The following NME7 variants were observed in gnomAD, a reference collection of about 807,000 sequenced individuals.
The protein encoded by NME7 is NME/NM23 family member 7.
A neutral mutation model predicts 49.1 loss-of-function variants in NME7; 41 were observed. That is an observed-to-expected ratio of 0.83 (90% CI 0.65 to 1.08). The LOEUF (loss-of-function observed/expected upper bound fraction) is 1.08, where lower values mean the gene tolerates loss of function less well. Ranked by LOEUF, NME7 falls within the 50% of genes least tolerant of loss-of-function variation. The pLI, the probability that NME7 is intolerant of heterozygous loss-of-function variation, is 0.00. For missense variants in NME7, 423 were observed against 463.4 expected (o/e 0.91, Z 0.80); for synonymous variants, 139 against 150.6 (o/e 0.92, Z 0.56).
At chr1:169,235,223 C>A (rs1433349261) in intron 8 of NME7, 24 bp from the exon 9 acceptor site, 3 of 1,369,358 alleles carry the variant, frequency 2.2e-6, no homozygotes, top group Non-Finnish European at 3.0e-6. Context: ...TAAAACAAAA[C>A]AAAACCATAA....
rs57619644 is a variant in NME7 at position 169,178,820 on chromosome 1, C to CT, written c.991-9267dup. 1.6e-3 allele frequency among the ~76,000 whole-genome samples: 200 copies of CT among 124,318 alleles called. 2 individuals carry two copies. The highest frequency in any genetic ancestry group is 5.4e-3 in the South Asian group (21 of 3,922). The allele number at this position is 124,318 out of a possible 152,430, so 81.6% of individuals were successfully genotyped here. A position where few individuals can be genotyped will look rare whatever the true frequency, so the allele number is the denominator to read the frequency against. Reference sequence around the variant, plus strand: ...ATTAGACTTCTAGCTGAAACCTCTTCTTTTTTTTTTTTTTTTTTGAGACAG... The same window carrying CT: ...ATTAGACTTCTAGCTGAAACCTCTTCTTTTTTTTTTTTTTTTTTTGAGACAG... On this transcript the variant is annotated intron_variant, in intron 10 of 11. Transcript: ENST00000367811.
At chr1:169,235,051 A>T in intron 9 of NME7, 80 bp downstream of exon 9, 1 of 695,872 alleles carries the variant, frequency 1.4e-6, no homozygotes, top group Non-Finnish European at 2.3e-6. Context: ...GGGACCTAGT[A>T]CAGGAGCTTA....
chr1:169,256,964 C>G lies in NME7; in HGVS notation c.755-19277G>C, dbSNP rs1648968953. ...ATGCTGGGAGAACCACTGCTCTCTT[C>G]AAAGCTGTCAGACAGCGACATTTAA... On this transcript the variant is annotated intron_variant, in intron 7 of 11. Coordinates refer to ENST00000367811, the MANE Select transcript of NME7 (RefSeq NM_013330.5). 2.4e-5 allele frequency among the ~76,000 whole-genome samples: 3 copies of G among 126,940 alleles called. 1 individual carries two copies. The highest frequency in any genetic ancestry group is 5.5e-5 in the Non-Finnish European group (3 of 54,254). 83.3% of individuals were successfully genotyped at this position (126,940 alleles called of 152,430 possible). A position where few individuals can be genotyped will look rare whatever the true frequency, so the allele number is the denominator to read the frequency against.
intron 1 of NME7, among the ~76,000 whole-genome samples, chr1:169,342,100 T>C (rs1413820029): frequency 6.6e-6 from 1 of 152,136 alleles, no homozygotes; most frequent in Non-Finnish European, 1.5e-5. Flanking sequence ...TGGAATAATA[T>C]GGTTTGGCTC....
chr1:169,183,377 T>G (rs1243995158), intron 10 of NME7, among the ~76,000 whole-genome samples: 1 of 152,204 alleles, frequency 6.6e-6, no homozygotes, highest in Non-Finnish European at 1.5e-5. Context: ...TTTAAATATA[T>G]ACACCTCTAT....
chr1:169,256,122 T>C (rs1458484121), intron 7 of NME7, among the ~76,000 whole-genome samples: 1 of 133,478 alleles, frequency 7.5e-6, no homozygotes, highest in African/African-American at 2.5e-5. Flanking sequence ...CCTTGCTAGA[T>C]TGGGGAAGTT....
At chr1:169,234,449 T>C (rs1369574436) in intron 9 of NME7, among the ~76,000 whole-genome samples, 1 of 152,028 alleles carries the variant, frequency 6.6e-6, no homozygotes, top group Non-Finnish European at 1.5e-5. Flanking sequence ...GTGTAAATAA[T>C]CAACACGGAA....
chr1:169,255,051 G>T (rs1156731646), intron 7 of NME7, among the ~76,000 whole-genome samples: 1 of 136,084 alleles, frequency 7.3e-6, no homozygotes. Context: ...TTGATTTGGG[G>T]TGGAGAGTTC....
chr1:169,213,283 A>T (rs1660883752), intron 10 of NME7, among the ~76,000 whole-genome samples: 1 of 152,160 alleles, frequency 6.6e-6, no homozygotes, highest in African/African-American at 2.4e-5. Flanking sequence ...TCCTAGGAAC[A>T]ATAGTTCAGT....
At chr1:169,249,385 A>G (rs1382743941) in intron 7 of NME7, among the ~76,000 whole-genome samples, 1 of 151,946 alleles carries the variant, frequency 6.6e-6, no homozygotes, top group African/African-American at 2.4e-5. Flanking sequence ...CTTTTGGAGG[A>G]GTATTTAGGG....
intron 11 of NME7, among the ~76,000 whole-genome samples, chr1:169,153,065 C>G (rs1436529299): frequency 6.6e-6 from 1 of 151,890 alleles, no homozygotes; most frequent in Non-Finnish European, 1.5e-5. Flanking sequence ...TGTATAGAAA[C>G]ACTGGTTTTG....
At chr1:169,178,953 T>A (rs1659848592) in intron 10 of NME7, among the ~76,000 whole-genome samples, 1 of 151,964 alleles carries the variant, frequency 6.6e-6, no homozygotes, top group Non-Finnish European at 1.5e-5. Flanking sequence ...CCTGAGTAGC[T>A]GGGATTACAG....
At chr1:169,322,353 G>A (rs948985289) in intron 3 of NME7, 4 of 152,210 alleles carry the variant, frequency 2.6e-5, no homozygotes, top group African/African-American at 9.7e-5. Flanking sequence ...CTCACAGAAA[G>A]AGCCACATGC....
chr1:169,352,149 CAA>C (rs1389713097), intron 1 of NME7, among the ~76,000 whole-genome samples: 5 of 151,658 alleles, frequency 3.3e-5, no homozygotes, highest in African/African-American at 1.2e-4. Flanking sequence ...AACTACAGAA[CAA>C]TATCTCTAAT....
At chr1:169,295,175 C>G (rs536035176) in intron 6 of NME7, among the ~76,000 whole-genome samples, 1 of 152,226 alleles carries the variant, frequency 6.6e-6, no homozygotes, top group South Asian at 2.1e-4. Context: ...GGACTATGAG[C>G]CAAATAAACC....
intron 10 of NME7, among the ~76,000 whole-genome samples, chr1:169,201,175 A>C (rs890834072): frequency 6.6e-6 from 1 of 152,046 alleles, no homozygotes; most frequent in African/African-American, 2.4e-5. Flanking sequence ...AGGCTGTAGC[A>C]AGCTATGATA....
intron 4 of NME7, chr1:169,303,455 C>CTTTTTTTTTTTT (rs969800387): frequency 1.8e-5 from 2 of 113,060 alleles, no homozygotes; most frequent in African/African-American, 3.3e-5. Context: ...CTATCTTCTT[C>CTTTTTTTTTTTT]TTTTTTTTTT....
At chr1:169,155,355 G>A (rs1659037616) in intron 11 of NME7, among the ~76,000 whole-genome samples, 1 of 152,206 alleles carries the variant, frequency 6.6e-6, no homozygotes. Context: ...GCAAGGGTTG[G>A]CAGGAGTAGT....
chr1:169,278,065 C>A (rs1486175961), intron 7 of NME7, among the ~76,000 whole-genome samples: 7 of 151,906 alleles, frequency 4.6e-5, no homozygotes, highest in Admixed American at 1.3e-4. Flanking sequence ...CGCTGTTAGT[C>A]TGATGGGCTT....
Sources: allele counts gnomAD v4.1 joint callset (sites outside exome capture counted in the v4.1 genomes callset), GRCh38; gene constraint gnomAD v4.1.1; transcripts MANE v1.5; gene names NCBI Gene and HGNC (gene_info 2026-07-23, HGNC 2026-07-21).